NLGN1: variants seen among roughly 807,000 people sequenced by gnomAD.
The protein encoded by NLGN1 is neuroligin-1.
A neutral mutation model predicts 65.5 loss-of-function variants in NLGN1; 12 were observed. The ratio of observed to expected loss-of-function variants is 0.18; its 90% CI spans 0.12 to 0.30. NLGN1 has a LOEUF of 0.30. NLGN1 is among the 10% of genes least tolerant of loss of function. The probability of loss-of-function intolerance (pLI) is 1.00; values close to 1 mark genes in which losing one functional copy is unlikely to be tolerated. For missense variants in NLGN1, 750 were observed against 1,007.1 expected, an observed-to-expected ratio of 0.74 and a Z score of 3.46; for synonymous variants, 350 against 359.5, an observed-to-expected ratio of 0.97 and a Z score of 0.30.
chr3:173,926,834 T>A (rs1037988469), intron 4 of NLGN1, among the ~76,000 whole-genome samples: 2 of 152,140 alleles, frequency 1.3e-5, no homozygotes, highest in Non-Finnish European at 2.9e-5. Context: ...ACCCACCCAT[T>A]GTTAACCATA....
At chr3:173,807,871 T>C (rs1717003781) in intron 4 of NLGN1, 39 bp downstream of exon 4, 1 of 1,580,326 alleles carries the variant, frequency 6.3e-7, no homozygotes, top group African/African-American at 1.3e-5. Flanking sequence ...CATGAATCCA[T>C]GAAGTATGTG....
chr3:174,216,315 G>A (rs1737588320), intron 4 of NLGN1, among the ~76,000 whole-genome samples: 1 of 152,058 alleles, frequency 6.6e-6, no homozygotes, highest in African/African-American at 2.4e-5. Context: ...AGGGACATAG[G>A]ACTCCCCAGA....
At chr3:174,088,829 T>C (rs1743973734) in intron 4 of NLGN1, among the ~76,000 whole-genome samples, 2 of 151,556 alleles carry the variant, frequency 1.3e-5, no homozygotes, top group African/African-American at 4.8e-5. Flanking sequence ...TTTTTACTTC[T>C]TAAAAATCAA....
chr3:174,200,218 C>T (rs1734179061), intron 4 of NLGN1, among the ~76,000 whole-genome samples: 1 of 152,128 alleles, frequency 6.6e-6, no homozygotes, highest in South Asian at 2.1e-4. Context: ...CCTTGCAGTG[C>T]TAATGCAAGA....
At chr3:174,104,369 A>G (rs1465955424) in intron 4 of NLGN1, among the ~76,000 whole-genome samples, 1 of 152,146 alleles carries the variant, frequency 6.6e-6, no homozygotes, top group African/African-American at 2.4e-5. Context: ...TATTTATACT[A>G]TGATTCAGAT....
chr3:173,482,384 C>T (rs952123380), intron 2 of NLGN1, among the ~76,000 whole-genome samples: 2 of 151,750 alleles, frequency 1.3e-5, no homozygotes, highest in Admixed American at 6.6e-5. Flanking sequence ...TAATTTTTTT[C>T]CAGGTGGATC....
intron 4 of NLGN1, among the ~76,000 whole-genome samples, chr3:174,187,266 A>T (rs200771575): frequency 6.6e-6 from 1 of 151,942 alleles, no homozygotes; most frequent in Non-Finnish European, 1.5e-5. Flanking sequence ...TTTGACCCCC[A>T]TATTAGGAGT....
chr3:173,872,168 G>A (rs1022845125), intron 4 of NLGN1, among the ~76,000 whole-genome samples: 1 of 152,166 alleles, frequency 6.6e-6, no homozygotes, highest in Non-Finnish European at 1.5e-5. Context: ...GGTAGCCAAC[G>A]AAATTCCGTG....
rs139334489 is a variant in NLGN1 at position 173,452,472 on chromosome 3, G to T, written c.-321+17394G>T. On this transcript the variant is annotated intron_variant, in intron 2 of 6. Coordinates refer to ENST00000457714, the Ensembl canonical transcript of NLGN1. ...AAGTGCAGGATTACAGGCGTGAGCC[G>T]CGGTGCCTGGCCTAATTTTCTTGCC... Among the ~76,000 whole-genome samples, 3 of 152,076 alleles carry T rather than the reference G, an allele frequency of 2.0e-5. No homozygotes were observed. In the East Asian group the frequency reaches 5.8e-4, roughly 29 times the overall value.
intron 4 of NLGN1, among the ~76,000 whole-genome samples, chr3:174,219,174 C>G (rs899716827): frequency 1.3e-5 from 2 of 152,020 alleles, no homozygotes; most frequent in Admixed American, 6.6e-5. Context: ...TACAGTTTAT[C>G]TGGGAGACCA....
intron 3 of NLGN1, among the ~76,000 whole-genome samples, chr3:173,705,067 A>T (rs1767844523): frequency 6.6e-6 from 1 of 152,178 alleles, no homozygotes; most frequent in African/African-American, 2.4e-5. Flanking sequence ...ACAATGTCAA[A>T]TATTATCACT....
chr3:173,590,765 C>G (rs1748349032), intron 2 of NLGN1, among the ~76,000 whole-genome samples: 1 of 151,824 alleles, frequency 6.6e-6, no homozygotes, highest in Non-Finnish European at 1.5e-5. Context: ...GTACAAAATT[C>G]CAAAGGGAGG....
intron 4 of NLGN1, among the ~76,000 whole-genome samples, chr3:174,104,972 G>T (rs1203125588): frequency 6.6e-6 from 1 of 152,014 alleles, no homozygotes. Flanking sequence ...TTCAGGATAT[G>T]GCTAGTGACA....
At chr3:174,071,564 G>T (rs372103511) in intron 4 of NLGN1, among the ~76,000 whole-genome samples, 4 of 152,034 alleles carry the variant, frequency 2.6e-5, no homozygotes, top group South Asian at 4.2e-4. Context: ...CAATTAGCTG[G>T]GCGTGGTGGT....
At chr3:173,602,129 T>C (rs556635976) in intron 2 of NLGN1, among the ~76,000 whole-genome samples, 1 of 152,114 alleles carries the variant, frequency 6.6e-6, no homozygotes, top group Non-Finnish European at 1.5e-5. Flanking sequence ...GAGTTCCTCA[T>C]GAGTAAGAAG....
chr3:173,675,244 T>A (rs372450825), intron 3 of NLGN1, among the ~76,000 whole-genome samples: 1 of 152,182 alleles, frequency 6.6e-6, no homozygotes, highest in South Asian at 2.1e-4. Flanking sequence ...GAAATGTTTT[T>A]ATTTAACATG....
chr3:173,521,856 A>T (rs879045044), intron 2 of NLGN1, among the ~76,000 whole-genome samples: 2 of 152,212 alleles, frequency 1.3e-5, no homozygotes, highest in African/African-American at 4.8e-5. Context: ...CAGATTTTTT[A>T]AAATTTTAAA....
chr3:173,636,298 G>GA (rs934260996), intron 3 of NLGN1, among the ~76,000 whole-genome samples: 181 of 145,184 alleles, frequency 1.2e-3, no homozygotes, highest in African/African-American at 3.9e-3. Flanking sequence ...AAAAAGAAAG[G>GA]AAAAAAAAAA....
intron 4 of NLGN1, among the ~76,000 whole-genome samples, chr3:173,911,189 A>T (rs1019905771): frequency 2.6e-5 from 4 of 152,206 alleles, no homozygotes; most frequent in African/African-American, 9.6e-5. Context: ...ATTTTTGAAA[A>T]ATAATTGTTT....
Sources: gnomAD v4.1 joint callset for allele counts (sites outside exome capture counted in the v4.1 genomes callset) on GRCh38, gnomAD v4.1.1 for gene constraint, MANE v1.5 for transcripts, NCBI Gene and HGNC (gene_info 2026-07-23, HGNC 2026-07-21) for gene names.